The following SDK1 variants were observed in gnomAD, a reference collection of about 807,000 sequenced individuals.
SDK1 encodes the protein protein sidekick-1.
Under a neutral mutation model 245.5 loss-of-function variants are expected in SDK1, and 157 were observed. The observed-to-expected ratio is 0.64, with a 90% CI of 0.56 to 0.73. The LOEUF (loss-of-function observed/expected upper bound fraction) is 0.73, where lower values mean the gene tolerates loss of function less well. Ranked by LOEUF, SDK1 falls within the 30% of genes least tolerant of loss-of-function variation. The pLI is 0.00. For synonymous variants in SDK1, 1,647 were observed against 1,278.5 expected (o/e 1.29, Z -6.15); for missense variants, 3,583 against 3,002.3 (o/e 1.19, Z -4.52).
At chr7:4,197,247 T>C (rs1783632152) in intron 35 of SDK1, among the ~76,000 whole-genome samples, 1 of 151,762 alleles carries the variant, frequency 6.6e-6, no homozygotes, top group African/African-American at 2.4e-5. Flanking sequence ...GAGGATTGCT[T>C]GGGCTCAGGA....
rs1319461726 is a variant in SDK1 at position 4,076,892 on chromosome 7, A to C, written c.3011-106A>C. 5 of 986,286 alleles carry C rather than the reference A, an allele frequency of 5.1e-6. No individual in the cohort carries two copies. In the East Asian group the frequency reaches 1.3e-4, roughly 26 times the overall value. 61.1% of individuals were successfully genotyped at this position (986,286 alleles called of 1,614,324 possible). ...GCTCTAAGCTGCCTTCAGCACATCC[A>C]GCCAAGCTCTCCATAGCTCCAAGCC... On this transcript the variant is annotated intron_variant, in intron 20 of 44. Coordinates refer to ENST00000404826, the MANE Select transcript of SDK1 (RefSeq NM_152744.4).
At chr7:4,261,096 A>C (rs750330852) in intron 44 of SDK1, among the ~76,000 whole-genome samples, 1 of 152,074 alleles carries the variant, frequency 6.6e-6, no homozygotes, top group Non-Finnish European at 1.5e-5. Flanking sequence ...TGTGTCCCCA[A>C]ATCCCAGGAA....
intron 1 of SDK1, among the ~76,000 whole-genome samples, chr7:3,333,259 A>C (rs374048511): frequency 1.3e-5 from 2 of 152,154 alleles, no homozygotes; most frequent in African/African-American, 4.8e-5. Flanking sequence ...TATGATATTT[A>C]GAAACTTTTG....
chr7:3,902,268 G>A (rs1781816860), intron 5 of SDK1, among the ~76,000 whole-genome samples: 1 of 152,108 alleles, frequency 6.6e-6, no homozygotes, highest in Non-Finnish European at 1.5e-5. Context: ...CATCATCACA[G>A]GGTTCTTCCT....
chr7:3,957,404 G>A (rs865836022), intron 7 of SDK1, among the ~76,000 whole-genome samples: 5 of 152,182 alleles, frequency 3.3e-5, no homozygotes, highest in East Asian at 1.9e-4. Flanking sequence ...GCGGGAAGCC[G>A]AGTGAAGGGT....
chr7:3,384,366 G>GAAGAGT (rs1306621074), intron 1 of SDK1, among the ~76,000 whole-genome samples: 1 of 152,112 alleles, frequency 6.6e-6, no homozygotes, highest in Non-Finnish European at 1.5e-5. Flanking sequence ...AGGACACTCT[G>GAAGAGT]AAGAGTACTA....
intron 17 of SDK1, among the ~76,000 whole-genome samples, chr7:4,039,506 TAAATC>T (rs1235962061): frequency 1.3e-5 from 2 of 152,130 alleles, no homozygotes; most frequent in South Asian, 2.1e-4. Flanking sequence ...TGTTTCAAAA[TAAATC>T]AAGTTGAAAA....
Position 3,728,938 on chromosome 7 carries a change from A to C in SDK1, c.713+86833A>C, listed in dbSNP as rs565369603. Among the ~76,000 whole-genome samples, 4 of 152,284 alleles carry C rather than the reference A, an allele frequency of 2.6e-5. No individual in the cohort carries two copies. In the East Asian group the frequency reaches 7.7e-4, roughly 29 times the overall value. ...TTTCTAAGAGACCTATCTCTCTAAAAAAAAAATCTCTAGAAAAACTTGTAT... is the reference window on the plus strand; with the variant it reads ...TTTCTAAGAGACCTATCTCTCTAAACAAAAAATCTCTAGAAAAACTTGTAT... On this transcript the variant is annotated intron_variant, in intron 4 of 44. Coordinates refer to ENST00000404826, the MANE Select transcript of SDK1 (RefSeq NM_152744.4).
intron 5 of SDK1, among the ~76,000 whole-genome samples, chr7:3,869,855 AATAATAC>A (rs1280057020): frequency 2.6e-5 from 4 of 152,212 alleles, no homozygotes; most frequent in Non-Finnish European, 4.4e-5. Flanking sequence ...AACTTTAACA[AATAATAC>A]ATTGGTTCCT....
rs73294218 is a variant in SDK1, at chr7:3,368,245, C to T, written c.298+66361C>T. 5.9e-3 allele frequency among the ~76,000 whole-genome samples: 899 copies of T among 152,286 alleles called. 9 individuals carry two copies. Among genetic ancestry groups the T allele is most frequent in the African/African-American group, 0.021 (870 of 41,540 alleles). ...CATGTTAATTTCTAGGTGTTACAAA[C>T]AGAAGAAAGTGTTCTCAAGCTTCTC... is the stretch of plus-strand genomic sequence containing the variant. On this transcript the variant is annotated intron_variant, in intron 1 of 44. Coordinates refer to ENST00000404826, the MANE Select transcript of SDK1 (RefSeq NM_152744.4).
At chr7:3,991,965 C>T (rs893796681) in intron 14 of SDK1, among the ~76,000 whole-genome samples, 1 of 152,228 alleles carries the variant, frequency 6.6e-6, no homozygotes, top group Non-Finnish European at 1.5e-5. Context: ...GCAGCAAGTG[C>T]ACTAAAATGG....
chr7:3,806,359 TTAGGATGTGGATGTC>T (rs1779246403), intron 4 of SDK1, among the ~76,000 whole-genome samples: 1 of 112,014 alleles, frequency 8.9e-6, no homozygotes, highest in East Asian at 2.2e-4. Context: ...GATGTCCACA[TTAGGATGTGGATGTC>T]CACATTAGGA....
intron 4 of SDK1, among the ~76,000 whole-genome samples, chr7:3,669,890 C>A (rs950867533): frequency 6.6e-6 from 1 of 152,192 alleles, no homozygotes; most frequent in Non-Finnish European, 1.5e-5. Flanking sequence ...ATTTTCCCTG[C>A]CTTACTCCTG....
At chr7:3,335,306 C>G (rs1002158210) in intron 1 of SDK1, among the ~76,000 whole-genome samples, 1 of 152,152 alleles carries the variant, frequency 6.6e-6, no homozygotes, top group Non-Finnish European at 1.5e-5. Context: ...TATTTACCCC[C>G]TAAGCATTAT....
At chr7:3,354,198 C>G (rs1407896651) in intron 1 of SDK1, among the ~76,000 whole-genome samples, 1 of 151,946 alleles carries the variant, frequency 6.6e-6, no homozygotes, top group Non-Finnish European at 1.5e-5. Flanking sequence ...TGGGGTTTCA[C>G]TGTGTTAGCT....
intron 4 of SDK1, among the ~76,000 whole-genome samples, chr7:3,647,447 G>T (rs1430557370): frequency 6.6e-6 from 1 of 152,126 alleles, no homozygotes; most frequent in Non-Finnish European, 1.5e-5. Flanking sequence ...GTTGGAGACA[G>T]TCTTGCTCTG....
intron 25 of SDK1, among the ~76,000 whole-genome samples, chr7:4,118,610 C>T (rs1783870551): frequency 8.0e-6 from 1 of 124,542 alleles, no homozygotes; most frequent in African/African-American, 2.8e-5. Context: ...CATATGTCTA[C>T]ACAAAATCTT....
intron 20 of SDK1, among the ~76,000 whole-genome samples, chr7:4,072,459 C>G (rs1424657869): frequency 6.6e-6 from 1 of 152,204 alleles, no homozygotes. Flanking sequence ...TATCACCTTA[C>G]CAGCCCAGCA....
intron 17 of SDK1, among the ~76,000 whole-genome samples, chr7:4,022,346 G>C (rs756404057): frequency 6.6e-6 from 1 of 152,180 alleles, no homozygotes; most frequent in Non-Finnish European, 1.5e-5. Context: ...GCAGCTTGAG[G>C]TATCCGGGGA....
Sources: gnomAD v4.1 joint callset for allele counts (sites outside exome capture counted in the v4.1 genomes callset) on GRCh38, gnomAD v4.1.1 for gene constraint, MANE v1.5 for transcripts, NCBI Gene and HGNC (gene_info 2026-07-23, HGNC 2026-07-21) for gene names.